Variants in DYNC2H1 observed in about 807,000 individuals in gnomAD.
DYNC2H1 encodes the protein cytoplasmic dynein 2 heavy chain 1.
In DYNC2H1, 410 loss-of-function variants were observed where a neutral mutation model predicts 570.0. That is an observed-to-expected ratio of 0.72 (90% CI 0.66 to 0.78). The LOEUF (loss-of-function observed/expected upper bound fraction) is 0.78, where lower values mean the gene tolerates loss of function less well. Among genes scored for constraint, DYNC2H1 ranks in the 30% least tolerant of loss-of-function variants. DYNC2H1 has a pLI of 0.00. For synonymous variants in DYNC2H1, 1,688 were observed against 1,677.6 expected, an observed-to-expected ratio of 1.01 and a Z score of -0.15; for missense variants, 4,865 against 5,046.4, an observed-to-expected ratio of 0.96 and a Z score of 1.09.
At chr11:103,180,135 T>C (rs1442109244) in intron 39 of DYNC2H1, among the ~76,000 whole-genome samples, 4 of 151,720 alleles carry the variant, frequency 2.6e-5, no homozygotes, top group African/African-American at 9.7e-5. Context: ...TAATTTTGGG[T>C]TTACTGCTTT....
intron 6 of DYNC2H1, among the ~76,000 whole-genome samples, chr11:103,118,719 G>A (rs777647097): frequency 6.6e-6 from 1 of 152,152 alleles, no homozygotes; most frequent in Non-Finnish European, 1.5e-5. Context: ...CAGACAAGGT[G>A]CACCCATTGT....
intron 70 of DYNC2H1, among the ~76,000 whole-genome samples, chr11:103,270,365 G>A (rs147475624): frequency 6.6e-6 from 1 of 152,054 alleles, no homozygotes; most frequent in African/African-American, 2.4e-5. Flanking sequence ...CATAATATAT[G>A]TAGGCTTTGG....
rs1473305220 is a variant in DYNC2H1 at position 103,185,919 on chromosome 11, G to A, written c.6634-323G>A. On this transcript the variant is annotated intron_variant, in intron 41 of 88. Coordinates refer to ENST00000375735, the MANE Select transcript of DYNC2H1 (RefSeq NM_001377.3). The surrounding 1 kb of genome is among the most constrained non-coding windows in gnomAD (Gnocchi z 4.5). ...TACCAGGATATGGCAGAAATGAAGG[G>A]CTTTAGGATTTCTGCATTCTGTACT... Among the ~76,000 whole-genome samples the A allele has an allele frequency of 6.6e-6, 1 of 151,810 alleles. No individual in the cohort carries two copies.
At chr11:103,386,814 T>C (rs979354878) in intron 83 of DYNC2H1, among the ~76,000 whole-genome samples, 1 of 152,184 alleles carries the variant, frequency 6.6e-6, no homozygotes, top group African/African-American at 2.4e-5. Context: ...TCCATGTCCC[T>C]ACAAAGGACA....
chr11:103,335,020 G>T (rs1167835301), intron 82 of DYNC2H1, among the ~76,000 whole-genome samples: 2 of 151,962 alleles, frequency 1.3e-5, no homozygotes, highest in Non-Finnish European at 2.9e-5. Flanking sequence ...AAAATACATT[G>T]CCCATGATTA....
At chr11:103,247,327 T>G (rs962499749) in intron 65 of DYNC2H1, among the ~76,000 whole-genome samples, 8 of 152,064 alleles carry the variant, frequency 5.3e-5, no homozygotes, top group African/African-American at 1.9e-4. Flanking sequence ...CTTTTAGGCA[T>G]GGTTCCTACA....
At position 103,121,411 on chromosome 11, in the gene DYNC2H1, C is replaced by T; in HGVS notation, c.1400C>T (p.Pro467Leu). ...LDFENRCRGI[P>L]GDASGPLSGK... Reference sequence around the variant, plus strand: ...TTTGAGAATCGGTGCCGAGGAATTCCTGGTGATGCATCTGGACCACTTTCT... The same window carrying T: ...TTTGAGAATCGGTGCCGAGGAATTCTTGGTGATGCATCTGGACCACTTTCT... Residue 467 changes from proline to leucine, a missense_variant, in exon 10 of 89, where the codon CCT (proline) becomes CTT (leucine). Coordinates refer to ENST00000375735, the MANE Select transcript of DYNC2H1 (RefSeq NM_001377.3). 6.2e-7 allele frequency: 1 copy of T among 1,612,646 alleles called. No individual in the cohort carries two copies. Among genetic ancestry groups the T allele is most frequent in the Non-Finnish European group, 8.5e-7 (1 of 1,179,306 alleles).
At chr11:103,293,402 T>C (rs925358314) in intron 75 of DYNC2H1, among the ~76,000 whole-genome samples, 1 of 152,152 alleles carries the variant, frequency 6.6e-6, no homozygotes, top group Non-Finnish European at 1.5e-5. Context: ...AGAAGTCTTA[T>C]TTAGATAGAA....
intron 70 of DYNC2H1, among the ~76,000 whole-genome samples, chr11:103,270,123 G>A (rs192362359): frequency 8.6e-4 from 130 of 151,774 alleles, no homozygotes; most frequent in Admixed American, 1.9e-3. Context: ...AACCCAGGAG[G>A]TGGAGGTTGC....
At chr11:103,429,548 C>G (rs1943813925) in intron 84 of DYNC2H1, among the ~76,000 whole-genome samples, 1 of 152,102 alleles carries the variant, frequency 6.6e-6, no homozygotes, top group Non-Finnish European at 1.5e-5. Flanking sequence ...ACAATCTGCT[C>G]TAACTTTTAT....
At chr11:103,206,298 A>G (rs553410692) in intron 52 of DYNC2H1, among the ~76,000 whole-genome samples, 124 of 152,282 alleles carry the variant, frequency 8.1e-4, no homozygotes, top group African/African-American at 3.0e-3. Context: ...AAAAGAACAT[A>G]TTAAGATGAG....
chr11:103,258,732 T>G (rs659168), intron 69 of DYNC2H1, among the ~76,000 whole-genome samples: 1 of 152,058 alleles, frequency 6.6e-6, no homozygotes, highest in Non-Finnish European at 1.5e-5. Flanking sequence ...CCTTTTAAAA[T>G]GCAGCCTTAG....
intron 17 of DYNC2H1, among the ~76,000 whole-genome samples, chr11:103,139,963 C>G (rs866851425): frequency 3.3e-5 from 5 of 152,116 alleles, no homozygotes; most frequent in East Asian, 1.9e-4. Context: ...CATTTACCAT[C>G]ATGTAATGGC....
In DYNC2H1 at chr11:103,187,537, C is replaced by T. The variant is rs755184860; in HGVS notation, c.7091C>T (p.Pro2364Leu). Reference sequence around the variant, plus strand: ...CTGTACTTAAAAGATATCAACCTACCTAAACTTGATAAATGGGGGACCAGT... The same window carrying T: ...CTGTACTTAAAAGATATCAACCTACTTAAACTTGATAAATGGGGGACCAGT... ...LVLYLKDINL[P>L]KLDKWGTSTL... The change falls in exon 43 of 89, where the codon CCT (proline) becomes CTT (leucine). Residue 2364 changes from proline to leucine, a missense_variant. Physicochemically the swap from Pro to Leu is moderately conservative, Grantham distance 98 (BLOSUM62 -3). Transcript: ENST00000375735. 2.5e-6 allele frequency: 4 copies of T among 1,613,148 alleles called. No individual in the cohort carries two copies. The highest frequency in any genetic ancestry group is 2.2e-5 in the South Asian group (2 of 91,062).
At chr11:103,159,083 C>A (rs988849700) in intron 28 of DYNC2H1, 56 bp downstream of exon 28, 10 of 1,391,876 alleles carry the variant, frequency 7.2e-6, no homozygotes, top group Non-Finnish European at 1.0e-5. Flanking sequence ...GTCTGCCAGG[C>A]CTAATATTAT....
intron 52 of DYNC2H1, among the ~76,000 whole-genome samples, chr11:103,208,538 T>C (rs1344101753): frequency 6.6e-6 from 1 of 152,120 alleles, no homozygotes; most frequent in Non-Finnish European, 1.5e-5. Context: ...ATGTGGCTGC[T>C]GCACAGGGTA....
intron 88 of DYNC2H1, among the ~76,000 whole-genome samples, chr11:103,470,886 G>C (rs998609212): frequency 2.0e-5 from 3 of 152,290 alleles, no homozygotes; most frequent in Admixed American, 6.5e-5. Context: ...ACGTGTGCAT[G>C]TGTCTTTATA....
chr11:103,164,596 G>C (rs1355048913), intron 30 of DYNC2H1, among the ~76,000 whole-genome samples: 1 of 152,128 alleles, frequency 6.6e-6, no homozygotes, highest in African/African-American at 2.4e-5. Flanking sequence ...ATTAATCTTT[G>C]CTAGTTATCC....
intron 45 of DYNC2H1, among the ~76,000 whole-genome samples, chr11:103,190,994 A>G (rs1380809836): frequency 7.5e-6 from 1 of 133,512 alleles, no homozygotes; most frequent in African/African-American, 2.9e-5. Flanking sequence ...GTTGAAGCCT[A>G]TGAACCCTTC....
Sources: allele counts gnomAD v4.1 joint callset (sites outside exome capture counted in the v4.1 genomes callset), GRCh38; gene constraint gnomAD v4.1.1; non-coding constraint Gnocchi (gnomAD v3.1); transcripts MANE v1.5; gene names NCBI Gene and HGNC (gene_info 2026-07-23, HGNC 2026-07-21).